Variants in TRHDE observed in about 807,000 individuals in gnomAD.
The protein encoded by TRHDE is thyrotropin-releasing hormone-degrading ectoenzyme.
A neutral mutation model predicts 125.7 loss-of-function variants in TRHDE; 72 were observed. The ratio of observed to expected loss-of-function variants is 0.57; its 90% CI spans 0.47 to 0.70. TRHDE has a LOEUF of 0.70. Among genes scored for constraint, TRHDE ranks in the 30% least tolerant of loss-of-function variants. The pLI, the probability that TRHDE is intolerant of heterozygous loss-of-function variation, is 0.00. For synonymous variants in TRHDE, 509 were observed against 509.1 expected, an observed-to-expected ratio of 1.00 and a Z score of 0.00; for missense variants, 1,110 against 1,327.1, an observed-to-expected ratio of 0.84 and a Z score of 2.54.
chr12:72,264,925 C>A (rs1879031467), intron 2 of TRHDE, among the ~76,000 whole-genome samples: 1 of 149,328 alleles, frequency 6.7e-6, no homozygotes. Flanking sequence ...TTAATAGAGA[C>A]TGTTCTAGAG....
intron 6 of TRHDE, among the ~76,000 whole-genome samples, chr12:72,533,529 A>G (rs1175157310): frequency 6.6e-6 from 1 of 152,016 alleles, no homozygotes; most frequent in Non-Finnish European, 1.5e-5. Context: ...TTTCTAGAAT[A>G]TTCTTATTTT....
intron 3 of TRHDE, among the ~76,000 whole-genome samples, chr12:72,444,455 T>G (rs1318889204): frequency 6.6e-6 from 1 of 151,800 alleles, no homozygotes; most frequent in Non-Finnish European, 1.5e-5. Flanking sequence ...CCCAACATTT[T>G]TTTTTGAAAA....
chr12:72,103,431 A>G (rs1875112691), intron 1 of TRHDE, among the ~76,000 whole-genome samples: 1 of 152,180 alleles, frequency 6.6e-6, no homozygotes, highest in Admixed American at 6.6e-5. Flanking sequence ...GGAGACCAGT[A>G]TGGCATAAGG....
rs534956203 is a variant in TRHDE at position 72,467,686 on chromosome 12, G to A, written c.1316-2072G>A. ...AAAAATTAGCTGGGCATGGTGGCGC[G>A]TGCCTGTAATCCCAGCTACTTGGGA... On this transcript the variant is annotated intron_variant, in intron 3 of 18. Transcript: ENST00000261180. 4.4e-4 allele frequency among the ~76,000 whole-genome samples: 67 copies of A among 152,108 alleles called. No homozygotes were observed. The South Asian group carries it at 8.9e-3, about 20-fold the overall frequency.
upstream of TRHDE, chr12:72,272,325 C>G (rs1001650430): frequency 8.3e-6 from 3 of 359,998 alleles, no homozygotes; most frequent in Non-Finnish European, 1.1e-5. This position sits in a 1 kb window ranked among gnomAD's most constrained non-coding sequence, Gnocchi z 6.7. Flanking sequence ...GCCGCAGGCG[C>G]GCAGGGGCGG....
intron 2 of TRHDE, among the ~76,000 whole-genome samples, chr12:72,126,845 A>C (rs944523181): frequency 6.6e-6 from 1 of 152,216 alleles, no homozygotes; most frequent in African/African-American, 2.4e-5. Context: ...GAAAATTGAC[A>C]AGTGGGGCCT....
chr12:72,571,112 G>A (rs1335320827), intron 10 of TRHDE, among the ~76,000 whole-genome samples: 3 of 151,784 alleles, frequency 2.0e-5, no homozygotes, highest in African/African-American at 7.3e-5. Context: ...GAAGTCCTTC[G>A]TTCTGATGAC....
intron 2 of TRHDE, among the ~76,000 whole-genome samples, chr12:72,149,378 C>T (rs978670188): frequency 2.6e-4 from 40 of 152,070 alleles, no homozygotes; most frequent in African/African-American, 8.5e-4. Context: ...TCAGTCAATA[C>T]GAATTAGGAA....
At chr12:72,402,072 C>G (rs1873067877) in intron 3 of TRHDE, among the ~76,000 whole-genome samples, 1 of 151,916 alleles carries the variant, frequency 6.6e-6, no homozygotes, top group South Asian at 2.1e-4. Flanking sequence ...GCTAAAACAA[C>G]AGAAATTGAT....
chr12:72,445,438 T>C (rs1875228520), intron 3 of TRHDE, among the ~76,000 whole-genome samples: 1 of 151,902 alleles, frequency 6.6e-6, no homozygotes, highest in Non-Finnish European at 1.5e-5. Flanking sequence ...TCAGAGACAC[T>C]CCCAACCTGT....
At chr12:72,174,387 A>C (rs548845928) in intron 2 of TRHDE, among the ~76,000 whole-genome samples, 83 of 152,334 alleles carry the variant, frequency 5.4e-4, no homozygotes, top group Middle Eastern at 6.8e-3. Context: ...CTAATCTACA[A>C]AGTAAAATGA....
At chr12:72,515,571 T>A (rs568793619) in intron 6 of TRHDE, among the ~76,000 whole-genome samples, 5 of 152,302 alleles carry the variant, frequency 3.3e-5, no homozygotes, top group African/African-American at 1.2e-4. Context: ...TTGCGAAAAT[T>A]TTCTCCCATG....
chr12:72,241,522 T>C (rs925628161), intron 2 of TRHDE, among the ~76,000 whole-genome samples: 3 of 152,192 alleles, frequency 2.0e-5, no homozygotes, highest in Admixed American at 2.0e-4. Flanking sequence ...TGTACCACAG[T>C]TTGTTTATCC....
chr12:72,622,696 G>A (rs1182394111), intron 15 of TRHDE, among the ~76,000 whole-genome samples: 1 of 152,014 alleles, frequency 6.6e-6, no homozygotes, highest in Non-Finnish European at 1.5e-5. Context: ...AACCTACTTA[G>A]GAATGAATTG....
intron 1 of TRHDE, among the ~76,000 whole-genome samples, chr12:72,096,085 C>T (rs1441745514): frequency 2.7e-5 from 4 of 150,710 alleles, no homozygotes; most frequent in African/African-American, 9.8e-5. Context: ...TTGTCAGCCT[C>T]CATAATCATG....
chr12:72,400,863 T>A (rs1873013339), intron 3 of TRHDE, among the ~76,000 whole-genome samples: 1 of 152,162 alleles, frequency 6.6e-6, no homozygotes, highest in Non-Finnish European at 1.5e-5. Flanking sequence ...CTTAAAGAAG[T>A]GACTTTCAAT....
chr12:72,632,912 C>A (rs1402872971), intron 15 of TRHDE, among the ~76,000 whole-genome samples: 5 of 151,450 alleles, frequency 3.3e-5, no homozygotes, highest in East Asian at 1.9e-4. Context: ...TCCTTTTTGA[C>A]CTTTTCTTTT....
At chr12:72,445,161 T>C (rs1004517202) in intron 3 of TRHDE, among the ~76,000 whole-genome samples, 4 of 151,896 alleles carry the variant, frequency 2.6e-5, no homozygotes, top group East Asian at 1.9e-4. Context: ...TGTGCCTCAG[T>C]TGGGATTTTT....
At chr12:72,586,121 G>A (rs1376911506) in intron 12 of TRHDE, among the ~76,000 whole-genome samples, 1 of 151,090 alleles carries the variant, frequency 6.6e-6, no homozygotes, top group African/African-American at 2.5e-5. Flanking sequence ...GGCTTCAACT[G>A]TAGGCAAGGT....
Sources: gnomAD v4.1 joint callset for allele counts (sites outside exome capture counted in the v4.1 genomes callset) on GRCh38, gnomAD v4.1.1 for gene constraint, Gnocchi (gnomAD v3.1) non-coding constraint, MANE v1.5 for transcripts, NCBI Gene and HGNC (gene_info 2026-07-23, HGNC 2026-07-21) for gene names.